Variants in ECEL1 observed in about 807,000 individuals in gnomAD.
The protein encoded by ECEL1 is endothelin converting enzyme like 1, also known as endothelin-converting enzyme-like 1.
Under a neutral mutation model 101.8 loss-of-function variants are expected in ECEL1, and 87 were observed. That is an observed-to-expected ratio of 0.85 (90% CI 0.72 to 1.02). ECEL1 has a LOEUF of 1.02. Among genes scored for constraint, ECEL1 ranks in the 50% least tolerant of loss-of-function variants. The pLI is 0.00. For missense variants in ECEL1, 1,032 were observed against 1,079.2 expected, an observed-to-expected ratio of 0.96 and a Z score of 0.61; for synonymous variants, 487 against 468.7, an observed-to-expected ratio of 1.04 and a Z score of -0.50.
chr2:232,481,493 GT>G lies in ECEL1; in HGVS notation c.1989+12del. Reference sequence around the variant, plus strand: ...CAGGCCTGAGGGGCACAAGGGGCAGGTGGGGGTCTCACCCGCTGGTTGTAGA... The same window carrying G: ...CAGGCCTGAGGGGCACAAGGGGCAGGGGGGGTCTCACCCGCTGGTTGTAGA... On this transcript the variant is annotated intron_variant, in intron 14 of 17. Transcript: ENST00000304546. The G allele has an allele frequency of 6.2e-7, 1 of 1,600,904 alleles. No individual in the cohort carries two copies. Among genetic ancestry groups the G allele is most frequent in the Non-Finnish European group, 8.5e-7 (1 of 1,174,026 alleles).
At chr2:232,483,931 G>C in intron 7 of ECEL1, 70 bp downstream of exon 7, 1 of 1,504,992 alleles carries the variant, frequency 6.6e-7, no homozygotes, top group East Asian at 2.3e-5. Flanking sequence ...CCCATATTAG[G>C]ACCATGGCCT....
At position 232,486,435 on chromosome 2, in the gene ECEL1, G is replaced by C. The variant is rs1269686507; in HGVS notation, c.219C>G (p.Cys73Trp). 1.0e-4 allele frequency: 148 copies of C among 1,457,848 alleles called. No individual in the cohort carries two copies. Among genetic ancestry groups the C allele is most frequent in the Non-Finnish European group, 1.3e-4 (145 of 1,117,496 alleles). 90.3% of individuals were successfully genotyped at this position (1,457,848 alleles called of 1,614,324 possible). The change falls in exon 2 of 18, where the codon TGC becomes TGG. Residue 73 changes from cysteine (C) to tryptophan (W), a missense_variant. Transcript: ENST00000304546. ...LSGLVFAAGL[C>W]AILAAMLALK... ...GGGCCAGCATAGCCGCCAGAATGGC[G>C]CAGAGGCCGGCGGCGAACACCAGCC...
chr2:232,482,523 G>A (rs376897552), intron 11 of ECEL1, 27 bp downstream of exon 11: 144 of 1,613,842 alleles, frequency 8.9e-5, no homozygotes, highest in Non-Finnish European at 1.2e-4. Flanking sequence ...ACCCTGCCCC[G>A]CCCGGCGTAG....
Position 232,482,573 on chromosome 2 carries a change from T to C in ECEL1, c.1721A>G (p.Tyr574Cys), listed in dbSNP as rs370641510. Reference sequence around the variant, plus strand: ...ACCCATCTGGTTCTTGTTGGGTAGATAGTAGGCATTGAGCGCCTGTGGGGG... The same window carrying C: ...ACCCATCTGGTTCTTGTTGGGTAGACAGTAGGCATTGAGCGCCTGTGGGGG... ...LLPPQALNAYYLPNKNQMVFP... is the reference protein window; with the variant it reads ...LLPPQALNAYCLPNKNQMVFP... Residue 574 changes from tyrosine (Y) to cysteine (C), a missense_variant, in exon 11 of 18, where the codon TAT becomes TGT. By Grantham distance (194) the Tyr-to-Cys change is radical (BLOSUM62 -2). Coordinates refer to ENST00000304546, the MANE Select transcript of ECEL1 (RefSeq NM_004826.4). The C allele has an allele frequency of 1.1e-5, 18 of 1,613,442 alleles. No homozygotes were observed. The highest frequency in any genetic ancestry group is 1.1e-4 in the African/African-American group (8 of 74,882).
In ECEL1 at chr2:232,486,670, C is replaced by A; in HGVS notation, c.-17G>T. ...GGGCTCCATGGCGCCGAGGCCGCCG[C>A]GGTGCAGACCTGGGCCACCTGGGCT... On this transcript the variant is annotated 5_prime_UTR_variant, in exon 2 of 18. Coordinates refer to ENST00000304546, the MANE Select transcript of ECEL1 (RefSeq NM_004826.4). The A allele has an allele frequency of 6.7e-7, 1 of 1,502,418 alleles. No individual in the cohort carries two copies. The allele number at this position is 1,502,418 out of a possible 1,614,324, so 93.1% of individuals were successfully genotyped here. A position where few individuals can be genotyped will look rare whatever the true frequency, so the allele number is the denominator to read the frequency against.
intron 16 of ECEL1, 115 bp downstream of exon 16, chr2:232,480,603 C>A: frequency 6.8e-7 from 1 of 1,479,552 alleles, no homozygotes; most frequent in Non-Finnish European, 9.3e-7. Flanking sequence ...TCTGACGGGA[C>A]AGGTGATGAC....
chr2:232,484,139 C>T lies in ECEL1; in HGVS notation c.1269G>A (p.Glu423=). Residue 423 remains glutamate, a synonymous_variant, in exon 7 of 18, where the codon GAG becomes GAA. Coordinates refer to ENST00000304546, the MANE Select transcript of ECEL1 (RefSeq NM_004826.4). ...LSPPFREALH[E]LAQEMEGSDK... ...CGCTGCCCTCCATCTCCTGTGCCAG[C>T]TCGTGCAGTGCCTCACGGAATGGCG... 6.2e-7 allele frequency: 1 copy of T among 1,613,768 alleles called. No homozygotes were observed.
In ECEL1 at chr2:232,485,193, C is replaced by T. The variant is rs1418263434; in HGVS notation, c.855+6G>A. The stretch of plus-strand genomic sequence containing the variant: ...TTCCCTGCCTCCCCATCCCATGCCC[C>T]AGCACCTTCTCACTGTCCTCATCCT... On this transcript the variant is annotated splice_donor_region_variant and intron_variant, in intron 3 of 17. Transcript: ENST00000304546. The T allele has an allele frequency of 1.2e-6, 2 of 1,613,636 alleles. No homozygotes were observed. Among genetic ancestry groups the T allele is most frequent in the South Asian group, 1.1e-5 (1 of 91,062 alleles).
rs1690711505 is a variant in ECEL1 at position 232,485,983 on chromosome 2, G to C, written c.671C>G (p.Ala224Gly). ...CAGCAGCCGGTTGAGGTCCCATCGCGCCGCGACCCCCGGACGCTCCTCCGC... is the reference window on the plus strand; with the variant it reads ...CAGCAGCCGGTTGAGGTCCCATCGCCCCGCGACCCCCGGACGCTCCTCCGC... ...GGAEERPGVA[A>G]RWDLNRLLYK... Residue 224 changes from alanine to glycine, a missense_variant, in exon 2 of 18, where the codon GCG (alanine) becomes GGG (glycine). Physicochemically the swap from Ala to Gly is moderately conservative, Grantham distance 60 (BLOSUM62 0). Coordinates refer to ENST00000304546, the MANE Select transcript of ECEL1 (RefSeq NM_004826.4). 6.2e-7 allele frequency: 1 copy of C among 1,603,236 alleles called. No individual in the cohort carries two copies. The highest frequency in any genetic ancestry group is 8.5e-7 in the Non-Finnish European group (1 of 1,176,502).
In ECEL1 at chr2:232,484,105, G is replaced by A. The variant is rs1234776534; in HGVS notation, c.1303C>T (p.Gln435Ter). 8.7e-6 allele frequency: 14 copies of A among 1,613,804 alleles called. No homozygotes were observed. The highest frequency in any genetic ancestry group is 1.1e-5 in the Non-Finnish European group (13 of 1,180,024). ...CCCAAGCAGACCCGGGCCAGCTCCT[G>A]TGGCTTGTCGCTGCCCTCCATCTCC... ...AQEMEGSDKP[Q>*]ELARVCLGQA... Residue 435 changes from glutamine to a stop codon, truncating the protein, a stop_gained, in exon 7 of 18, where the codon CAG (glutamine) becomes TAG (stop). Coordinates refer to ENST00000304546, the MANE Select transcript of ECEL1 (RefSeq NM_004826.4). LOFTEE classifies it high-confidence loss of function.
Position 232,480,168 on chromosome 2 carries a change from C to G in ECEL1, c.2313G>C (p.Lys771Asn). Residue 771 changes from lysine to asparagine, a missense_variant, in exon 18 of 18, where the codon AAG becomes AAC. Physicochemically the swap from Lys to Asn is moderately conservative, Grantham distance 94. Coordinates refer to ENST00000304546, the MANE Select transcript of ECEL1 (RefSeq NM_004826.4). Reference protein sequence around the residue: ...PKDSPMNPAHKCSVW With the variant: ...PKDSPMNPAHNCSVW The stretch of plus-strand genomic sequence containing the variant: ...GCAGCCAGGCTCACCACACGGAACA[C>G]TTGTGGGCAGGGTTCATGGGTGAGT... 1 of 1,613,718 alleles carries G rather than the reference C, an allele frequency of 6.2e-7. No homozygotes were observed. The highest frequency in any genetic ancestry group is 8.5e-7 in the Non-Finnish European group (1 of 1,179,876).
chr2:232,483,293 G>A lies in ECEL1; in HGVS notation c.1507-114C>T, dbSNP rs550310740. ...GGCCAGCCTGGGAGTGGGCTTCACAGTGGGGGAGGCAGGCCTGGTCAACTC... is the reference window on the plus strand; with the variant it reads ...GGCCAGCCTGGGAGTGGGCTTCACAATGGGGGAGGCAGGCCTGGTCAACTC... On this transcript the variant is annotated intron_variant, in intron 8 of 17. Coordinates refer to ENST00000304546, the MANE Select transcript of ECEL1 (RefSeq NM_004826.4). 3.2e-6 allele frequency: 5 copies of A among 1,557,134 alleles called. No individual in the cohort carries two copies. In the African/African-American group the frequency reaches 6.8e-5, roughly 21 times the overall value.
In ECEL1 at chr2:232,483,411, C is replaced by A; in HGVS notation, c.1506+5G>T. ...ACCAACCAATGACACTGGGTCCCCC[C>A]TCACCTTGGCCCGAGCAGCAGCCCT... is the stretch of plus-strand genomic sequence containing the variant. On this transcript the variant is annotated splice_donor_5th_base_variant and intron_variant, in intron 8 of 17. Transcript: ENST00000304546. 6.2e-7 allele frequency: 1 copy of A among 1,602,188 alleles called. No homozygotes were observed. The highest frequency in any genetic ancestry group is 8.5e-7 in the Non-Finnish European group (1 of 1,175,356).
At chr2:232,481,204 C>T in intron 14 of ECEL1, 48 bp from the exon 15 acceptor site, 1 of 1,544,628 alleles carries the variant, frequency 6.5e-7, no homozygotes, top group Non-Finnish European at 8.7e-7. Context: ...CCCAGCTGGC[C>T]TCCCTCAGGC....
In ECEL1 at chr2:232,486,609, T is replaced by C; in HGVS notation, c.45A>G (p.Gln15=). ...YSLTAHYDEF[Q]EVKYVSRCGA... ...CGCAGCGGCTCACGTACTTGACCTC[T>C]TGGAACTCATCGTAGTGCGCCGTCA... Residue 15 remains glutamine, a synonymous_variant, in exon 2 of 18, where the codon CAA becomes CAG. Transcript: ENST00000304546. 6.6e-7 allele frequency: 1 copy of C among 1,521,146 alleles called. No homozygotes were observed. The highest frequency in any genetic ancestry group is 8.7e-7 in the Non-Finnish European group (1 of 1,144,730). The allele number at this position is 1,521,146 out of a possible 1,614,324, so 94.2% of individuals were successfully genotyped here.
In ECEL1 at chr2:232,486,640, T is replaced by C. The variant is rs1176577806; in HGVS notation, c.14A>G (p.Tyr5Cys). 44 of 1,529,010 alleles carry C rather than the reference T, an allele frequency of 2.9e-5. No individual in the cohort carries two copies. The highest frequency in any genetic ancestry group is 3.7e-5 in the Non-Finnish European group (43 of 1,148,746). The allele number at this position is 1,529,010 out of a possible 1,614,324, so 94.7% of individuals were successfully genotyped here. A position where few individuals can be genotyped will look rare whatever the true frequency, so the allele number is the denominator to read the frequency against. Residue 5 changes from tyrosine (Y) to cysteine (C), a missense_variant, in exon 2 of 18, where the codon TAT becomes TGT. Coordinates refer to ENST00000304546, the MANE Select transcript of ECEL1 (RefSeq NM_004826.4). ...CTCATCGTAGTGCGCCGTCAGCGAA[T>C]ACGGGGGCTCCATGGCGCCGAGGCC... MEPP[Y>C]SLTAHYDEFQ...
rs1170232498 is a variant in ECEL1 at position 232,481,599 on chromosome 2, C to T, written c.1896G>A (p.Leu632=). The part of the protein sequence containing the change: ...GGQYDRSGNL[L]HWWTEASYSR... ...TGTAGGAGGCCTCCGTCCACCAGTG[C>T]AGCAGGTTCCCTGAGCGGTCATACT... Residue 632 remains leucine, a synonymous_variant, in exon 14 of 18, where the codon CTG becomes CTA. Transcript: ENST00000304546. 2 of 1,613,726 alleles carry T rather than the reference C, an allele frequency of 1.2e-6. No homozygotes were observed. Among genetic ancestry groups the T allele is most frequent in the Non-Finnish European group, 1.7e-6 (2 of 1,180,030 alleles).
chr2:232,482,716 C>A (rs1690613665), intron 10 of ECEL1, 108 bp from the exon 11 acceptor site: 4 of 1,493,232 alleles, frequency 2.7e-6, no homozygotes, highest in Non-Finnish European at 2.8e-6. Context: ...GGTCACCCTG[C>A]CGGCCCCCAC....
rs775435337 is a variant in ECEL1, at chr2:232,481,791, C to T, written c.1855G>A (p.Asp619Asn). Reference sequence around the variant, plus strand: ...CCCCAACAGGCCTCACCCCAGTCGTCGTAGCCGTGGGTCAGCTCATGTCCA... The same window carrying T: ...CCCCAACAGGCCTCACCCCAGTCGTTGTAGCCGTGGGTCAGCTCATGTCCA... Reference protein sequence around the residue: ...IIGHELTHGYDDWGGQYDRSG... With the variant: ...IIGHELTHGYNDWGGQYDRSG... Residue 619 changes from aspartate to asparagine, a missense_variant, in exon 13 of 18, where the codon GAC becomes AAC. Transcript: ENST00000304546. 9.9e-6 allele frequency: 16 copies of T among 1,613,820 alleles called. No individual in the cohort carries two copies. Among genetic ancestry groups the T allele is most frequent in the African/African-American group, 5.3e-5 (4 of 74,928 alleles).
Sources: allele counts gnomAD v4.1 joint callset, GRCh38; gene constraint gnomAD v4.1.1; transcripts MANE v1.5; gene names NCBI Gene and HGNC (gene_info 2026-07-23, HGNC 2026-07-21).